The following CNTNAP5 variants were observed in gnomAD, a reference collection of about 807,000 sequenced individuals.
The protein encoded by CNTNAP5 is contactin-associated protein-like 5.
In CNTNAP5, 72 loss-of-function variants were observed where a neutral mutation model predicts 150.2. The observed-to-expected ratio is 0.48, with a 90% CI of 0.40 to 0.58. CNTNAP5 has a LOEUF of 0.58. Ranked by LOEUF, CNTNAP5 falls within the 20% of genes least tolerant of loss-of-function variation. The pLI is 0.00. For synonymous variants in CNTNAP5, 672 were observed against 619.8 expected, an observed-to-expected ratio of 1.08 and a Z score of -1.25; for missense variants, 1,636 against 1,626.2, an observed-to-expected ratio of 1.01 and a Z score of -0.10.
intron 1 of CNTNAP5, among the ~76,000 whole-genome samples, chr2:124,120,446 C>T (rs1362607936): frequency 6.6e-6 from 1 of 152,152 alleles, no homozygotes; most frequent in African/African-American, 2.4e-5. Flanking sequence ...TGACTCAGGA[C>T]ATAAACTCTG....
rs1692325998 is a variant in CNTNAP5, at chr2:124,429,803, G to T, written c.530-4681G>T. On this transcript the variant is annotated intron_variant, in intron 4 of 23. Coordinates refer to ENST00000682447, the MANE Select transcript of CNTNAP5 (RefSeq NM_001367498.1). Reference sequence around the variant, plus strand: ...CAGAAGAAACTAACTCTCCCAGTGTGGATGGTAAGCTGGCTCTGAATGGTG... The same window carrying T: ...CAGAAGAAACTAACTCTCCCAGTGTTGATGGTAAGCTGGCTCTGAATGGTG... Among the ~76,000 whole-genome samples the T allele has an allele frequency of 1.3e-5, 2 of 152,160 alleles. 1 individual carries two copies. The highest frequency in any genetic ancestry group is 4.1e-4 in the South Asian group (2 of 4,822).
intron 1 of CNTNAP5, among the ~76,000 whole-genome samples, chr2:124,153,710 C>T (rs1036878113): frequency 1.1e-4 from 17 of 149,074 alleles, no homozygotes; most frequent in East Asian, 8.2e-4. Context: ...CCCAGGTTCA[C>T]GCTATTCTCC....
At chr2:124,274,318 C>G (rs17722506) in intron 3 of CNTNAP5, among the ~76,000 whole-genome samples, 1 of 152,224 alleles carries the variant, frequency 6.6e-6, no homozygotes, top group East Asian at 1.9e-4. Flanking sequence ...ATAAGGTACA[C>G]TTTAATTTTC....
intron 1 of CNTNAP5, among the ~76,000 whole-genome samples, chr2:124,134,321 T>C (rs1334086670): frequency 6.6e-6 from 1 of 151,652 alleles, no homozygotes; most frequent in Non-Finnish European, 1.5e-5. Flanking sequence ...GCTGACACAA[T>C]TGAGAAATAC....
chr2:124,735,512 G>A (rs1367186808), intron 13 of CNTNAP5, among the ~76,000 whole-genome samples: 6 of 151,734 alleles, frequency 4.0e-5, no homozygotes, highest in African/African-American at 4.8e-5. Flanking sequence ...AATATATTTG[G>A]GAATATCCCC....
At chr2:124,372,043 A>C (rs1690541037) in intron 3 of CNTNAP5, among the ~76,000 whole-genome samples, 1 of 151,998 alleles carries the variant, frequency 6.6e-6, no homozygotes, top group Admixed American at 6.6e-5. Context: ...AATCACCCTA[A>C]ACCTGGATGG....
At chr2:124,516,510 G>C (rs768214615) in intron 8 of CNTNAP5, among the ~76,000 whole-genome samples, 2 of 152,156 alleles carry the variant, frequency 1.3e-5, no homozygotes, top group African/African-American at 4.8e-5. Flanking sequence ...CTAAATTTCC[G>C]GAAATTTTTA....
rs1467128613 is a variant in CNTNAP5 at position 124,357,520 on chromosome 2, C to T, written c.382-59923C>T. Among the ~76,000 whole-genome samples, 8 of 152,132 alleles carry T rather than the reference C, an allele frequency of 5.3e-5. No homozygotes were observed. The East Asian group carries it at 9.6e-4, about 18-fold the overall frequency. ...GAAGGGATCCAGTTTCAGCTTTCTACATATGGCTAGCCAGTTTTCCCAGCA... is the reference window on the plus strand; with the variant it reads ...GAAGGGATCCAGTTTCAGCTTTCTATATATGGCTAGCCAGTTTTCCCAGCA... On this transcript the variant is annotated intron_variant, in intron 3 of 23. Coordinates refer to ENST00000682447, the MANE Select transcript of CNTNAP5 (RefSeq NM_001367498.1).
At chr2:124,188,528 G>T (rs1250161254) in intron 1 of CNTNAP5, among the ~76,000 whole-genome samples, 1 of 151,956 alleles carries the variant, frequency 6.6e-6, no homozygotes, top group African/African-American at 2.4e-5. Flanking sequence ...GACCATCCTG[G>T]TGAACATGGA....
intron 8 of CNTNAP5, among the ~76,000 whole-genome samples, chr2:124,521,951 A>G (rs1026512445): frequency 2.0e-5 from 3 of 152,160 alleles, no homozygotes; most frequent in Admixed American, 6.5e-5. Flanking sequence ...AAGTGGGGCC[A>G]CCAGGCTGAG....
chr2:124,143,753 A>G (rs975657576), intron 1 of CNTNAP5, among the ~76,000 whole-genome samples: 4 of 135,540 alleles, frequency 3.0e-5, no homozygotes, highest in Admixed American at 7.9e-5. Context: ...GTCCTCTCTC[A>G]CTGCTCCTAT....
intron 11 of CNTNAP5, among the ~76,000 whole-genome samples, chr2:124,583,897 C>A (rs1696468326): frequency 1.3e-5 from 2 of 152,170 alleles, no homozygotes; most frequent in South Asian, 2.1e-4. Flanking sequence ...AGGTCAATGA[C>A]AACAGGAAGT....
At chr2:124,301,892 T>A (rs1408984214) in intron 3 of CNTNAP5, among the ~76,000 whole-genome samples, 1 of 152,196 alleles carries the variant, frequency 6.6e-6, no homozygotes, top group Admixed American at 6.5e-5. Flanking sequence ...CCCAAATTCA[T>A]AGATTGAATT....
At chr2:124,388,435 G>A (rs1573960636) in intron 3 of CNTNAP5, among the ~76,000 whole-genome samples, 2 of 152,238 alleles carry the variant, frequency 1.3e-5, no homozygotes, top group East Asian at 1.9e-4. Context: ...CACCTCCTGC[G>A]GGCTCTAGCC....
At chr2:124,228,678 C>G (rs943906897) in intron 2 of CNTNAP5, among the ~76,000 whole-genome samples, 29 of 152,188 alleles carry the variant, frequency 1.9e-4, no homozygotes, top group African/African-American at 6.7e-4. Flanking sequence ...ACTATATTTT[C>G]TTATGATTTC....
At chr2:124,737,754 C>T (rs905857874) in intron 13 of CNTNAP5, among the ~76,000 whole-genome samples, 7 of 151,986 alleles carry the variant, frequency 4.6e-5, no homozygotes, top group Admixed American at 3.9e-4. Context: ...TTGTAATTAC[C>T]CACGGAAGAG....
At chr2:124,066,451 A>C (rs534803409) in intron 1 of CNTNAP5, among the ~76,000 whole-genome samples, 1 of 152,114 alleles carries the variant, frequency 6.6e-6, no homozygotes, top group African/African-American at 2.4e-5. Flanking sequence ...ATCCCATTAG[A>C]TCAATGGCAT....
At chr2:124,084,065 T>C (rs1682622419) in intron 1 of CNTNAP5, among the ~76,000 whole-genome samples, 1 of 152,134 alleles carries the variant, frequency 6.6e-6, no homozygotes, top group African/African-American at 2.4e-5. Context: ...TTTATCAGTG[T>C]TTTGTAGTTT....
chr2:124,582,793 A>G (rs1456238214), intron 11 of CNTNAP5, among the ~76,000 whole-genome samples: 1 of 152,220 alleles, frequency 6.6e-6, no homozygotes, highest in African/African-American at 2.4e-5. Context: ...AAATTTTAGA[A>G]CAACATAATG....
Sources: allele counts gnomAD v4.1 joint callset (sites outside exome capture counted in the v4.1 genomes callset), GRCh38; gene constraint gnomAD v4.1.1; transcripts MANE v1.5; gene names NCBI Gene and HGNC (gene_info 2026-07-23, HGNC 2026-07-21).